KCNMA1: variants seen among roughly 807,000 people sequenced by gnomAD.
KCNMA1 encodes the protein Calcium-activated potassium channel subunit alpha-1.
Under a neutral mutation model 140.0 loss-of-function variants are expected in KCNMA1, and 29 were observed. The ratio of observed to expected loss-of-function variants is 0.21; its 90% CI spans 0.15 to 0.28. The LOEUF (loss-of-function observed/expected upper bound fraction) is 0.28. KCNMA1 is among the 10% of genes least tolerant of loss of function. The pLI is 1.00. For missense variants in KCNMA1, 880 were observed against 1,602.2 expected (o/e 0.55, Z 7.70); for synonymous variants, 612 against 611.9 (o/e 1.00, Z 0.00).
intron 1 of KCNMA1, among the ~76,000 whole-genome samples, chr10:77,617,243 C>T (rs190151175): frequency 6.6e-6 from 1 of 152,230 alleles, no homozygotes; most frequent in Admixed American, 6.5e-5. Flanking sequence ...ACAAGAAACC[C>T]GGGAAGCAGC....
At chr10:77,576,911 T>C (rs1207619650) in intron 1 of KCNMA1, among the ~76,000 whole-genome samples, 1 of 152,218 alleles carries the variant, frequency 6.6e-6, no homozygotes, top group African/African-American at 2.4e-5. Context: ...TGTTAGGCAC[T>C]GTGTGAAATG....
At position 77,025,536 on chromosome 10, in the gene KCNMA1, A is replaced by G. The variant is rs1346092459; in HGVS notation, c.1928+2287T>C. The G allele has an allele frequency of 3.4e-6, 4 of 1,185,688 alleles. No homozygotes were observed. The African/African-American group carries it at 4.5e-5, about 13-fold the overall frequency. The allele number at this position is 1,185,688 out of a possible 1,614,324, so 73.4% of individuals were successfully genotyped here. A position where few individuals can be genotyped will look rare whatever the true frequency, so the allele number is the denominator to read the frequency against. On this transcript the variant is annotated intron_variant, in intron 16 of 27. Coordinates refer to ENST00000286628, the MANE Select transcript of KCNMA1 (RefSeq NM_001161352.2). The stretch of plus-strand genomic sequence containing the variant: ...CTGACACCAGAAGGAAAGAAGGAAT[A>G]AAACCTTTGTTTCAAATCACTTGAA...
chr10:77,016,358 G>A (rs2092031865), intron 17 of KCNMA1, among the ~76,000 whole-genome samples: 1 of 152,064 alleles, frequency 6.6e-6, no homozygotes, highest in Non-Finnish European at 1.5e-5. Flanking sequence ...TAGAATATGA[G>A]CCCCACGAGA....
chr10:77,636,822 T>C, intron 1 of KCNMA1: 3 of 1,437,724 alleles, frequency 2.1e-6, no homozygotes, highest in Non-Finnish European at 2.7e-6. Context: ...TCCTAAAGTA[T>C]GGGCGGATGT....
rs1220214048 is a variant in KCNMA1, at chr10:76,887,626, G to A, written c.3462-111C>T. ...TTACTCAGGACTTTCAGAGGATCTG[G>A]AAGATGCACTCCTAGCTGGTCTGAG... is the stretch of plus-strand genomic sequence containing the variant. On this transcript the variant is annotated intron_variant, in intron 27 of 27. Transcript: ENST00000286628. 5 of 1,217,864 alleles carry A rather than the reference G, an allele frequency of 4.1e-6. No homozygotes were observed. In the African/African-American group the frequency reaches 6.0e-5, roughly 15 times the overall value. 75.4% of individuals were successfully genotyped at this position (1,217,864 alleles called of 1,614,324 possible).
At chr10:77,178,659 C>T (rs11002067) in intron 5 of KCNMA1, among the ~76,000 whole-genome samples, 7,249 of 152,108 alleles carry the variant, frequency 0.048, 473 homozygotes, top group East Asian at 0.23. Context: ...GAGCCAATAT[C>T]GCACCACTGC....
intron 1 of KCNMA1, among the ~76,000 whole-genome samples, chr10:77,476,077 G>T (rs2098271048): frequency 6.6e-6 from 1 of 152,120 alleles, no homozygotes; most frequent in South Asian, 2.1e-4. Flanking sequence ...CTTCCTCCAG[G>T]CCGCACGGTG....
At chr10:77,217,057 C>T (rs143839664) in intron 3 of KCNMA1, among the ~76,000 whole-genome samples, 6 of 152,268 alleles carry the variant, frequency 3.9e-5, no homozygotes, top group African/African-American at 1.2e-4. Context: ...TTAATCCCAG[C>T]ACTTTGGGAG....
At chr10:77,156,205 G>T (rs2098481301) in intron 5 of KCNMA1, among the ~76,000 whole-genome samples, 1 of 141,112 alleles carries the variant, frequency 7.1e-6, no homozygotes. Context: ...TCCAGCCTGG[G>T]TGACAGAGCG....
At chr10:77,177,715 A>G (rs1396071524) in intron 5 of KCNMA1, among the ~76,000 whole-genome samples, 10 of 152,030 alleles carry the variant, frequency 6.6e-5, no homozygotes, top group Admixed American at 5.9e-4. Context: ...GCCTCCACTG[A>G]GCCCCAGCCT....
intron 1 of KCNMA1, among the ~76,000 whole-genome samples, chr10:77,505,131 T>A (rs1273849866): frequency 1.3e-5 from 2 of 152,184 alleles, no homozygotes; most frequent in Non-Finnish European, 2.9e-5. Context: ...TACTCATGAA[T>A]CACTAACCTG....
chr10:76,879,989 G>A (rs961176782), downstream of KCNMA1, among the ~76,000 whole-genome samples: 1 of 152,196 alleles, frequency 6.6e-6, no homozygotes, highest in Non-Finnish European at 1.5e-5. Context: ...AGCTGCCCTC[G>A]GTTTTGGCCA....
intron 1 of KCNMA1, among the ~76,000 whole-genome samples, chr10:77,404,870 G>A (rs1158685023): frequency 1.3e-5 from 2 of 151,824 alleles, no homozygotes; most frequent in East Asian, 3.9e-4. Flanking sequence ...CTCAAGCGTG[G>A]AACATTTGCA....
At chr10:77,454,501 C>T (rs766317986) in intron 1 of KCNMA1, among the ~76,000 whole-genome samples, 4 of 152,206 alleles carry the variant, frequency 2.6e-5, no homozygotes, top group African/African-American at 4.8e-5. Flanking sequence ...TATAATTTTA[C>T]AAATGTCTGT....
intron 9 of KCNMA1, among the ~76,000 whole-genome samples, chr10:77,106,903 G>C (rs570375744): frequency 3.5e-4 from 54 of 152,328 alleles, no homozygotes; most frequent in South Asian, 2.1e-4. Flanking sequence ...GGCTCCATTA[G>C]AGGGAAGATG....
rs145357413 is a variant in KCNMA1, at chr10:77,189,684, A to G, written c.603-4768T>C. Among the ~76,000 whole-genome samples the G allele has an allele frequency of 1.1e-3, 171 of 152,250 alleles. 2 individuals are homozygous for G. Among genetic ancestry groups the G allele is most frequent in the African/African-American group, 3.7e-3 (152 of 41,556 alleles). On this transcript the variant is annotated intron_variant, in intron 3 of 27. Transcript: ENST00000286628. ...GATATCATTTTGTGAAATAATTTCC[A>G]ACGTTCAAATTCTCCTCACTCTTGT...
chr10:77,104,333 T>G (rs1165023541), intron 9 of KCNMA1, among the ~76,000 whole-genome samples: 9 of 152,198 alleles, frequency 5.9e-5, no homozygotes, highest in Non-Finnish European at 1.5e-5. Flanking sequence ...ACAGGCAGCT[T>G]TCTTGAATTG....
intron 2 of KCNMA1, among the ~76,000 whole-genome samples, chr10:77,371,381 C>A (rs2094701563): frequency 6.6e-6 from 1 of 152,140 alleles, no homozygotes; most frequent in Non-Finnish European, 1.5e-5. Flanking sequence ...AACAGCTGCA[C>A]CGCCAACAGA....
At chr10:77,533,627 C>T (rs2058215534) in intron 1 of KCNMA1, among the ~76,000 whole-genome samples, 1 of 152,120 alleles carries the variant, frequency 6.6e-6, no homozygotes, top group Non-Finnish European at 1.5e-5. Flanking sequence ...TCCATCACTG[C>T]CCGGCAAGAG....
Sources: allele counts gnomAD v4.1 joint callset (sites outside exome capture counted in the v4.1 genomes callset), GRCh38; gene constraint gnomAD v4.1.1; transcripts MANE v1.5; gene names NCBI Gene and HGNC (gene_info 2026-07-23, HGNC 2026-07-21).